Variants in GPHN observed in about 807,000 individuals in gnomAD.
GPHN encodes the protein gephyrin.
A neutral mutation model predicts 95.5 loss-of-function variants in GPHN; 17 were observed. That is an observed-to-expected ratio of 0.18 (90% CI 0.12 to 0.27). GPHN has a LOEUF of 0.27. Ranked by LOEUF, GPHN falls within the 10% of genes least tolerant of loss-of-function variation. GPHN has a pLI of 1.00. For synonymous variants in GPHN, 320 were observed against 322.5 expected, an observed-to-expected ratio of 0.99 and a Z score of 0.08; for missense variants, 660 against 978.1, an observed-to-expected ratio of 0.67 and a Z score of 4.34.
chr14:67,279,518 T>A, the GPHN span: 1 of 1,539,006 alleles, frequency 6.5e-7, no homozygotes, highest in East Asian at 2.3e-5. Context: ...AAAGTCCTCA[T>A]TATGCTGTGA....
intron 5 of GPHN, among the ~76,000 whole-genome samples, chr14:66,882,103 T>G (rs145967769): frequency 4.4e-4 from 67 of 151,972 alleles, no homozygotes; most frequent in African/African-American, 1.6e-3. Context: ...ACTTCTGGCT[T>G]TGTACATGCT....
the GPHN span, among the ~76,000 whole-genome samples, chr14:67,247,794 G>T: frequency 6.6e-6 from 1 of 151,992 alleles, no homozygotes; most frequent in Non-Finnish European, 1.5e-5. Flanking sequence ...GCCCAGGCTG[G>T]TCTCAAATTC....
the GPHN span, among the ~76,000 whole-genome samples, chr14:67,284,582 A>AAAAAAAG: frequency 6.9e-6 from 1 of 144,728 alleles, no homozygotes; most frequent in African/African-American, 2.6e-5. Flanking sequence ...AAAAAAAAAA[A>AAAAAAAG]AAAAAAGGTT....
At chr14:67,347,726 C>T in the GPHN span, among the ~76,000 whole-genome samples, 1 of 151,862 alleles carries the variant, frequency 6.6e-6, no homozygotes, top group African/African-American at 2.4e-5. Flanking sequence ...TCTTGAACTT[C>T]CGACCTCAGG....
At chr14:66,513,227 C>T (rs1417367720) in intron 1 of GPHN, among the ~76,000 whole-genome samples, 2 of 151,596 alleles carry the variant, frequency 1.3e-5, no homozygotes, top group African/African-American at 4.8e-5. Context: ...ATATTAAAAA[C>T]ACATGTGACA....
the GPHN span, among the ~76,000 whole-genome samples, chr14:67,512,033 G>A: frequency 1.4e-4 from 22 of 152,178 alleles, no homozygotes; most frequent in African/African-American, 5.3e-4. Flanking sequence ...AAACACCCTG[G>A]TACTGATGTA....
At chr14:66,658,199 G>A (rs913059530) in intron 1 of GPHN, among the ~76,000 whole-genome samples, 5 of 152,028 alleles carry the variant, frequency 3.3e-5, no homozygotes, top group Admixed American at 6.6e-5. Flanking sequence ...AAGGAGAGCC[G>A]GAAGATGTGA....
the GPHN span, among the ~76,000 whole-genome samples, chr14:67,633,071 C>T: frequency 8.6e-5 from 13 of 151,990 alleles, no homozygotes; most frequent in Non-Finnish European, 1.8e-4. Flanking sequence ...CCGCCCGCCT[C>T]GGCCTCCGAA....
chr14:66,967,977 A>G (rs1410813289), intron 9 of GPHN, among the ~76,000 whole-genome samples: 1 of 151,874 alleles, frequency 6.6e-6, no homozygotes, highest in African/African-American at 2.4e-5. Context: ...TTACACTAAA[A>G]CTTCATTAGT....
intron 3 of GPHN, among the ~76,000 whole-genome samples, chr14:66,813,093 G>T (rs898820711): frequency 6.6e-6 from 1 of 152,112 alleles, no homozygotes; most frequent in African/African-American, 2.4e-5. Flanking sequence ...TGAAGTCAAA[G>T]TTATAATATT....
chr14:67,067,658 T>TG (rs1225436365), intron 11 of GPHN, among the ~76,000 whole-genome samples: 1 of 152,166 alleles, frequency 6.6e-6, no homozygotes, highest in Admixed American at 6.5e-5. Context: ...GCCTCAGCAA[T>TG]GGTGGATGCC....
chr14:67,318,129 C>T, the GPHN span, among the ~76,000 whole-genome samples: 1 of 152,158 alleles, frequency 6.6e-6, no homozygotes. Flanking sequence ...GAGTTTGCTA[C>T]TTCTGTTTGG....
chr14:67,480,281 A>G, the GPHN span, among the ~76,000 whole-genome samples: 1 of 151,978 alleles, frequency 6.6e-6, no homozygotes, highest in African/African-American at 2.4e-5. Flanking sequence ...GGTCTTCATC[A>G]CAACCCTGAG....
chr14:66,885,252 G>C (rs1454062981), intron 5 of GPHN, among the ~76,000 whole-genome samples: 1 of 151,950 alleles, frequency 6.6e-6, no homozygotes, highest in Non-Finnish European at 1.5e-5. Context: ...GTATATATAG[G>C]AATCTGTTTC....
At chr14:67,644,139 A>G in the GPHN span, among the ~76,000 whole-genome samples, 3 of 152,338 alleles carry the variant, frequency 2.0e-5, no homozygotes, top group South Asian at 2.1e-4. Flanking sequence ...TACCAGCTCA[A>G]TGTTAAAGCT....
the GPHN span, among the ~76,000 whole-genome samples, chr14:67,431,699 G>A: frequency 6.6e-6 from 1 of 151,468 alleles, no homozygotes; most frequent in African/African-American, 2.4e-5. Flanking sequence ...CTCAACAACA[G>A]CAGCAGCAGC....
At chr14:66,546,828 G>A (rs1178541671) in intron 1 of GPHN, among the ~76,000 whole-genome samples, 9 of 151,770 alleles carry the variant, frequency 5.9e-5, no homozygotes, top group South Asian at 2.1e-4. Flanking sequence ...GGAGAGGGCC[G>A]CGTGTAACCT....
At chr14:67,343,514 C>T in the GPHN span, 1 of 1,018,460 alleles carries the variant, frequency 9.8e-7, no homozygotes, top group African/African-American at 1.6e-5. Flanking sequence ...TCCACTAAGA[C>T]TGCACTTGTA....
At chr14:66,557,342 TATA>T (rs1322552582) in intron 1 of GPHN, among the ~76,000 whole-genome samples, 1 of 152,134 alleles carries the variant, frequency 6.6e-6, no homozygotes, top group East Asian at 1.9e-4. Context: ...TTGTTGAGAA[TATA>T]ATAATAAAAT....
Sources: gnomAD v4.1 joint callset for allele counts (sites outside exome capture counted in the v4.1 genomes callset) on GRCh38, gnomAD v4.1.1 for gene constraint, MANE v1.5 for transcripts, NCBI Gene and HGNC (gene_info 2026-07-23, HGNC 2026-07-21) for gene names.